Variants in GPR158 observed in about 807,000 individuals in gnomAD.
The protein encoded by GPR158 is G protein-coupled receptor 158, also known as metabotropic glycine receptor.
In GPR158, 30 loss-of-function variants were observed where a neutral mutation model predicts 78.2. The ratio of observed to expected loss-of-function variants is 0.38; its 90% CI spans 0.29 to 0.52. The LOEUF is 0.52. Ranked by LOEUF, GPR158 falls within the 20% of genes least tolerant of loss-of-function variation. The pLI is 0.83. For missense variants in GPR158, 1,463 were observed against 1,523.5 expected (o/e 0.96, Z 0.66); for synonymous variants, 581 against 591.1 (o/e 0.98, Z 0.25).
At chr10:25,300,607 A>G (rs1294826067) in intron 2 of GPR158, among the ~76,000 whole-genome samples, 2 of 152,174 alleles carry the variant, frequency 1.3e-5, no homozygotes, top group Non-Finnish European at 2.9e-5. Context: ...CCAGTTGAGT[A>G]TGAATAAACT....
chr10:25,328,927 C>CAAAAAAAAAAAAAAAAAAAAA (rs3054026), intron 2 of GPR158, among the ~76,000 whole-genome samples: 1 of 89,112 alleles, frequency 1.1e-5, no homozygotes, highest in Non-Finnish European at 2.0e-5. Flanking sequence ...AACTTCATCA[C>CAAAAAAAAAAAAAAAAAAAAA]AAAAAAAAAA....
chr10:25,478,931 A>G (rs1336491163), intron 5 of GPR158, among the ~76,000 whole-genome samples: 3 of 151,962 alleles, frequency 2.0e-5, no homozygotes, highest in African/African-American at 7.3e-5. Context: ...TTTGCTGAGA[A>G]TGATGATTTC....
intron 2 of GPR158, among the ~76,000 whole-genome samples, chr10:25,361,372 T>A (rs1053605279): frequency 4.6e-5 from 7 of 151,962 alleles, no homozygotes; most frequent in African/African-American, 1.4e-4. Flanking sequence ...CCCCTTGGTA[T>A]TGTATATAGT....
chr10:25,254,082 T>C (rs1469160599), intron 2 of GPR158, among the ~76,000 whole-genome samples: 1 of 152,206 alleles, frequency 6.6e-6, no homozygotes, highest in Non-Finnish European at 1.5e-5. Context: ...TAAAGATAAC[T>C]TCTGTGGCTA....
At chr10:25,218,784 C>T (rs149637998) in intron 1 of GPR158, among the ~76,000 whole-genome samples, 2 of 152,074 alleles carry the variant, frequency 1.3e-5, no homozygotes, top group Non-Finnish European at 2.9e-5. Flanking sequence ...ATCCTGACCA[C>T]CCTTTAAAAA....
intron 2 of GPR158, among the ~76,000 whole-genome samples, chr10:25,264,626 C>G: frequency 6.6e-6 from 1 of 152,198 alleles, no homozygotes; most frequent in East Asian, 1.9e-4. Flanking sequence ...TTCAAAGCCA[C>G]TAACCTTTGA....
At chr10:25,421,756 T>C (rs1164518763) in intron 4 of GPR158, among the ~76,000 whole-genome samples, 1 of 152,230 alleles carries the variant, frequency 6.6e-6, no homozygotes, top group African/African-American at 2.4e-5. Flanking sequence ...TTTAATGGAA[T>C]ATGAATAAAA....
chr10:25,249,328 G>A (rs1254802997), intron 2 of GPR158, among the ~76,000 whole-genome samples: 2 of 152,142 alleles, frequency 1.3e-5, no homozygotes, highest in African/African-American at 4.8e-5. Context: ...AATCGCCCTG[G>A]CCAGAACTTC....
chr10:25,548,434 CTAA>C (rs1409453458), intron 5 of GPR158, among the ~76,000 whole-genome samples: 1 of 152,126 alleles, frequency 6.6e-6, no homozygotes, highest in Non-Finnish European at 1.5e-5. Flanking sequence ...ATCAACTCTC[CTAA>C]TAATATTAGC....
chr10:25,490,994 G>T (rs1835802318), intron 5 of GPR158, among the ~76,000 whole-genome samples: 1 of 152,022 alleles, frequency 6.6e-6, no homozygotes, highest in Non-Finnish European at 1.5e-5. Context: ...TTGTGTTGGG[G>T]GGGTCCTAAT....
intron 2 of GPR158, among the ~76,000 whole-genome samples, chr10:25,370,765 G>A (rs1833976822): frequency 6.7e-6 from 1 of 150,196 alleles, no homozygotes; most frequent in South Asian, 2.1e-4. Context: ...TTTGACAGTG[G>A]GGTGTTAAAG....
chr10:25,510,499 T>G (rs983074675), intron 5 of GPR158, among the ~76,000 whole-genome samples: 1 of 152,218 alleles, frequency 6.6e-6, no homozygotes, highest in South Asian at 2.1e-4. Context: ...TCTAATTGTT[T>G]AGATGAATTG....
At chr10:25,388,719 C>G (rs1002169646) in intron 2 of GPR158, among the ~76,000 whole-genome samples, 5 of 152,234 alleles carry the variant, frequency 3.3e-5, no homozygotes, top group African/African-American at 1.2e-4. Context: ...AGGCAAGATT[C>G]CTGCACTCCC....
At chr10:25,496,153 C>CCCCGCT (rs1458393033) in intron 5 of GPR158, among the ~76,000 whole-genome samples, 1 of 152,164 alleles carries the variant, frequency 6.6e-6, no homozygotes, top group Non-Finnish European at 1.5e-5. Context: ...TTACACTTGT[C>CCCCGCT]CCCGCTCCCC....
intron 2 of GPR158, among the ~76,000 whole-genome samples, chr10:25,222,502 G>A (rs1042632538): frequency 2.0e-5 from 3 of 151,784 alleles, no homozygotes; most frequent in Admixed American, 6.6e-5. Flanking sequence ...CACAGTTAAT[G>A]TTTCTGCCTT....
intron 7 of GPR158, among the ~76,000 whole-genome samples, chr10:25,588,767 A>G (rs374557736): frequency 3.3e-4 from 51 of 152,330 alleles, no homozygotes; most frequent in African/African-American, 1.2e-3. Flanking sequence ...TCTGAATGCT[A>G]TTACAACAAA....
intron 2 of GPR158, among the ~76,000 whole-genome samples, chr10:25,357,387 G>T (rs1855568898): frequency 6.6e-6 from 1 of 152,246 alleles, no homozygotes; most frequent in East Asian, 1.9e-4. Context: ...TATCTCCAGG[G>T]CATGTCAGAG....
chr10:25,292,085 T>C (rs1854446681), intron 2 of GPR158, among the ~76,000 whole-genome samples: 1 of 151,876 alleles, frequency 6.6e-6, no homozygotes, highest in African/African-American at 2.4e-5. Context: ...CCCACACACA[T>C]ATACATACAT....
rs2130705325 is a variant in GPR158 at position 25,543,164 on chromosome 10, A to T, written c.1405-7812A>T. ...GAGATGGAATCTCACTCTGTCACCC[A>T]GGCTGGAGTGCAGTGGCGCAATCTC... is the stretch of plus-strand genomic sequence containing the variant. On this transcript the variant is annotated intron_variant, in intron 5 of 10. Coordinates refer to ENST00000376351, the MANE Select transcript of GPR158 (RefSeq NM_020752.3). Among the ~76,000 whole-genome samples the T allele has an allele frequency of 1.3e-5, 2 of 152,228 alleles. 1 individual carries two copies. Among genetic ancestry groups the T allele is most frequent in the Middle Eastern group, 6.8e-3 (2 of 294 alleles).
Sources: allele counts gnomAD v4.1 joint callset (sites outside exome capture counted in the v4.1 genomes callset), GRCh38; gene constraint gnomAD v4.1.1; transcripts MANE v1.5; gene names NCBI Gene and HGNC (gene_info 2026-07-23, HGNC 2026-07-21).